The following C10orf90 variants were observed in gnomAD, a reference collection of about 807,000 sequenced individuals.
C10orf90 encodes the protein chromosome 10 open reading frame 90.
In C10orf90, 56 loss-of-function variants were observed where a neutral mutation model predicts 62.5. The observed-to-expected ratio is 0.90, with a 90% CI of 0.72 to 1.12. C10orf90 has a LOEUF of 1.12. Ranked by LOEUF, C10orf90 falls within the 50% of genes most tolerant of loss-of-function variation. The pLI is 0.00. For synonymous variants in C10orf90, 386 were observed against 340.4 expected, an observed-to-expected ratio of 1.13 and a Z score of -1.47; for missense variants, 970 against 880.4, an observed-to-expected ratio of 1.10 and a Z score of -1.29.
At chr10:126,540,744 G>A (rs10751560) in intron 2 of C10orf90, among the ~76,000 whole-genome samples, 99,358 of 151,370 alleles carry the variant, frequency 0.66, 33,503 homozygotes, top group African/African-American at 0.82. Flanking sequence ...ACTGCATATC[G>A]AAACCTACAC....
intron 2 of C10orf90, among the ~76,000 whole-genome samples, chr10:126,593,308 T>A (rs1397533229): frequency 2.0e-5 from 3 of 152,098 alleles, no homozygotes; most frequent in Non-Finnish European, 4.4e-5. Flanking sequence ...AGTGATAGAA[T>A]GGATAAAGAA....
intron 4 of C10orf90, chr10:126,496,629 T>C: frequency 1.0e-6 from 1 of 984,166 alleles, no homozygotes; most frequent in Non-Finnish European, 1.2e-6. Flanking sequence ...GTGGGGATTC[T>C]AGTTTTAACT....
intron 1 of C10orf90, among the ~76,000 whole-genome samples, chr10:126,668,319 C>T (rs1307356993): frequency 1.3e-5 from 2 of 152,158 alleles, no homozygotes; most frequent in Admixed American, 1.3e-4. Flanking sequence ...CCATTGAGTA[C>T]TTTGTGGTCA....
intron 4 of C10orf90, among the ~76,000 whole-genome samples, chr10:126,485,227 A>G (rs893071134): frequency 6.6e-6 from 1 of 152,212 alleles, no homozygotes; most frequent in African/African-American, 2.4e-5. Flanking sequence ...AGTCCACAAT[A>G]GGAAGTGGGC....
At position 126,464,750 on chromosome 10, in the gene C10orf90, A is replaced by C; in HGVS notation, c.1771T>G (p.Cys591Gly). 1 of 1,614,118 alleles carries C rather than the reference A, an allele frequency of 6.2e-7. No individual in the cohort carries two copies. Among genetic ancestry groups the C allele is most frequent in the African/African-American group, 1.3e-5 (1 of 75,034 alleles). The change falls in exon 5 of 10, where the codon TGT (cysteine) becomes GGT (glycine). Residue 591 changes from cysteine (C) to glycine (G), a missense_variant. Cys to Gly is a radical substitution (Grantham distance 159). Coordinates refer to ENST00000488181, the MANE Select transcript of C10orf90 (RefSeq NM_001350921.2). ...CCATTGTCTTCCTGCAGAGATGCAC[A>C]TACATCTTGTAAGGGGCAAAGAAAC... ...PGFLCPLQDV[C>G]ASLQEDNGVQ...
chr10:126,655,053 G>A (rs907626185), intron 1 of C10orf90, among the ~76,000 whole-genome samples: 10 of 152,138 alleles, frequency 6.6e-5, no homozygotes, highest in African/African-American at 2.2e-4. Flanking sequence ...GGGCGCGGTG[G>A]CTCACACCTG....
rs542423375 is a variant in C10orf90, at chr10:126,494,593, C to A, written c.1534+9364G>T. On this transcript the variant is annotated intron_variant, in intron 4 of 9. Transcript: ENST00000488181. Reference sequence around the variant, plus strand: ...CACAGGCTCAGTGCAGGCTCTGCACCACACCAAAGCACACAGAAAACCAGC... The same window carrying A: ...CACAGGCTCAGTGCAGGCTCTGCACAACACCAAAGCACACAGAAAACCAGC... 7.9e-5 allele frequency among the ~76,000 whole-genome samples: 12 copies of A among 152,268 alleles called. No individual in the cohort carries two copies. The South Asian group carries it at 1.9e-3, about 24-fold the overall frequency.
rs574183518 is a variant in C10orf90, at chr10:126,522,329, G to A, written c.314-8390C>T. ...TGGTACAGATGAATCACAACTACAG[G>A]GTGAGTTCCCCACTGCTGAAGCAAA... On this transcript the variant is annotated intron_variant, in intron 2 of 9. Transcript: ENST00000488181. 3.7e-4 allele frequency among the ~76,000 whole-genome samples: 56 copies of A among 152,186 alleles called. 2 individuals carry two copies. In the South Asian group the frequency reaches 0.011, roughly 31 times the overall value.
chr10:126,612,298 G>A (rs1447060139), intron 2 of C10orf90, among the ~76,000 whole-genome samples: 1 of 152,132 alleles, frequency 6.6e-6, no homozygotes, highest in Non-Finnish European at 1.5e-5. Context: ...TCCAGCCTGG[G>A]TGACAAAGTG....
chr10:126,566,235 T>C (rs890877235), intron 2 of C10orf90, among the ~76,000 whole-genome samples: 1 of 152,196 alleles, frequency 6.6e-6, no homozygotes, highest in Non-Finnish European at 1.5e-5. Context: ...ATGGATCAAA[T>C]GGAGGTAGCT....
intron 2 of C10orf90, among the ~76,000 whole-genome samples, chr10:126,612,455 C>T (rs761754739): frequency 5.9e-5 from 9 of 152,168 alleles, no homozygotes; most frequent in Non-Finnish European, 1.0e-4. Context: ...AGATAAAAGG[C>T]CCTACACGTG....
chr10:126,568,808 G>A (rs1844445677), intron 2 of C10orf90, among the ~76,000 whole-genome samples: 2 of 152,318 alleles, frequency 1.3e-5, no homozygotes, highest in African/African-American at 4.8e-5. Flanking sequence ...TAACTGGAGA[G>A]GAGTTCACCT....
chr10:126,538,324 A>G (rs1325791010), intron 2 of C10orf90, among the ~76,000 whole-genome samples: 2 of 152,228 alleles, frequency 1.3e-5, no homozygotes, highest in African/African-American at 4.8e-5. Flanking sequence ...ACAATTCAAG[A>G]TGAGATTTGG....
intron 2 of C10orf90, among the ~76,000 whole-genome samples, chr10:126,528,724 G>T (rs1864015622): frequency 6.6e-6 from 1 of 152,170 alleles, no homozygotes. Context: ...CTGGACCTGA[G>T]GCTGGACTCT....
chr10:126,433,732 G>GAAAAC (rs1265983170), intron 7 of C10orf90, among the ~76,000 whole-genome samples: 12 of 152,102 alleles, frequency 7.9e-5, no homozygotes, highest in South Asian at 4.1e-4. Flanking sequence ...AAAACAAAAC[G>GAAAAC]AAAACAAAAC....
intron 2 of C10orf90, among the ~76,000 whole-genome samples, chr10:126,546,653 G>C (rs1864498793): frequency 6.6e-6 from 1 of 152,206 alleles, no homozygotes. Context: ...CAGCAATGAG[G>C]ATTTCCCCCC....
chr10:126,535,903 C>T (rs1042369300), intron 2 of C10orf90, among the ~76,000 whole-genome samples: 5 of 152,208 alleles, frequency 3.3e-5, no homozygotes, highest in African/African-American at 1.2e-4. Context: ...GGTTTCTCTT[C>T]TCCAAGAACC....
intron 2 of C10orf90, among the ~76,000 whole-genome samples, chr10:126,582,042 G>C (rs1200751312): frequency 2.0e-5 from 3 of 152,166 alleles, no homozygotes; most frequent in South Asian, 2.1e-4. Context: ...CTGACCATGA[G>C]AGGAACAGCA....
chr10:126,528,666 C>T (rs1297008515), intron 2 of C10orf90, among the ~76,000 whole-genome samples: 6 of 152,204 alleles, frequency 3.9e-5, no homozygotes. Context: ...CACTTACCTC[C>T]TCTTGGTTTC....
Sources: allele counts gnomAD v4.1 joint callset (sites outside exome capture counted in the v4.1 genomes callset), GRCh38; gene constraint gnomAD v4.1.1; transcripts MANE v1.5; gene names NCBI Gene and HGNC (gene_info 2026-07-23, HGNC 2026-07-21).